Variants in F13A1 observed in about 807,000 individuals in gnomAD.
F13A1 encodes coagulation factor XIII A chain, also known as FSF, A subunit.
F13A1 carries 47 observed loss-of-function variants against 80.1 expected under a neutral mutation model. The ratio of observed to expected loss-of-function variants is 0.59; its 90% CI spans 0.46 to 0.75. The LOEUF (loss-of-function observed/expected upper bound fraction) is 0.75, where lower values mean the gene tolerates loss of function less well. F13A1 is among the 30% of genes least tolerant of loss of function. The pLI, the probability that F13A1 is intolerant of heterozygous loss-of-function variation, is 0.00. For missense variants in F13A1, 817 were observed against 930.4 expected (o/e 0.88, Z 1.59); for synonymous variants, 349 against 344.9 (o/e 1.01, Z -0.13).
chr6:6,151,439 G>A (rs990418484), intron 14 of F13A1, among the ~76,000 whole-genome samples: 6 of 152,172 alleles, frequency 3.9e-5, no homozygotes, highest in African/African-American at 1.4e-4. Flanking sequence ...ACGTGAGTAG[G>A]TAGTACAGCA....
chr6:6,212,415 G>A (rs1185972703), intron 8 of F13A1, among the ~76,000 whole-genome samples: 3 of 152,186 alleles, frequency 2.0e-5, no homozygotes, highest in East Asian at 1.9e-4. Flanking sequence ...CCCAGCAGGG[G>A]CACACTGACA....
intron 3 of F13A1, among the ~76,000 whole-genome samples, chr6:6,274,575 T>C (rs1224770028): frequency 6.6e-6 from 1 of 152,020 alleles, no homozygotes; most frequent in Non-Finnish European, 1.5e-5. Context: ...TCAGAGAAAA[T>C]ACGAACAGCA....
intron 3 of F13A1, among the ~76,000 whole-genome samples, chr6:6,289,655 T>C (rs1278252420): frequency 6.6e-6 from 1 of 152,010 alleles, no homozygotes; most frequent in African/African-American, 2.4e-5. Flanking sequence ...ACTTCTGCTA[T>C]AGTAATCTAA....
chr6:6,192,336 G>A (rs1181677627), intron 10 of F13A1, among the ~76,000 whole-genome samples: 1 of 152,104 alleles, frequency 6.6e-6, no homozygotes, highest in African/African-American at 2.4e-5. Flanking sequence ...AGGAGCAAGA[G>A]GGGGATCAGG....
chr6:6,171,948 T>G (rs1211620793), intron 12 of F13A1, among the ~76,000 whole-genome samples: 1 of 152,326 alleles, frequency 6.6e-6, no homozygotes, highest in East Asian at 1.9e-4. Flanking sequence ...GTTTTTTTTC[T>G]GACCATCTCC....
chr6:6,258,941 G>C (rs1490206360), intron 4 of F13A1, among the ~76,000 whole-genome samples: 2 of 152,060 alleles, frequency 1.3e-5, no homozygotes, highest in Admixed American at 1.3e-4. Flanking sequence ...TTCTTCTTGT[G>C]CACTGACTTA....
intron 3 of F13A1, among the ~76,000 whole-genome samples, chr6:6,283,523 C>T (rs77636478): frequency 6.4e-4 from 98 of 152,156 alleles, no homozygotes; most frequent in African/African-American, 2.0e-3. Flanking sequence ...ACTCTAATAA[C>T]GGTTCTGGGA....
At chr6:6,253,681 T>C (rs1413045520) in intron 4 of F13A1, among the ~76,000 whole-genome samples, 1 of 152,198 alleles carries the variant, frequency 6.6e-6, no homozygotes, top group Non-Finnish European at 1.5e-5. Flanking sequence ...CTGGTTCTTT[T>C]TAATGTAGCA....
chr6:6,261,140 T>A (rs1757774779), intron 4 of F13A1, among the ~76,000 whole-genome samples: 1 of 152,004 alleles, frequency 6.6e-6, no homozygotes, highest in African/African-American at 2.4e-5. Flanking sequence ...AGCTAATTTT[T>A]GTATGTTTAG....
At chr6:6,174,912 CA>C in intron 11 of F13A1, 45 bp from the exon 12 acceptor site, 8 of 1,611,870 alleles carry the variant, frequency 5.0e-6, no homozygotes, top group Non-Finnish European at 6.8e-6. Flanking sequence ...TACAATCCAC[CA>C]GAGAGAAAGT....
At chr6:6,201,702 T>C (rs571875732) in intron 8 of F13A1, among the ~76,000 whole-genome samples, 27 of 151,986 alleles carry the variant, frequency 1.8e-4, no homozygotes, top group Admixed American at 1.0e-3. Flanking sequence ...TATTTTCCTG[T>C]TTTTTGTTTT....
At chr6:6,184,042 TCA>T (rs764360761) in intron 10 of F13A1, among the ~76,000 whole-genome samples, 7 of 152,236 alleles carry the variant, frequency 4.6e-5, no homozygotes, top group Non-Finnish European at 8.8e-5. Flanking sequence ...TTTTACTTTC[TCA>T]CAGAATGTTC....
At chr6:6,165,525 A>G (rs1760655673) in intron 13 of F13A1, among the ~76,000 whole-genome samples, 1 of 152,198 alleles carries the variant, frequency 6.6e-6, no homozygotes, top group African/African-American at 2.4e-5. Flanking sequence ...CCGTCACTTC[A>G]TAATTAGGTA....
At chr6:6,154,733 T>G (rs1279928919) in intron 13 of F13A1, among the ~76,000 whole-genome samples, 2 of 152,222 alleles carry the variant, frequency 1.3e-5, no homozygotes, top group African/African-American at 4.8e-5. Flanking sequence ...TGTCCCTGAT[T>G]TCATTCTCAA....
At chr6:6,310,060 C>T (rs1758568479) in intron 2 of F13A1, among the ~76,000 whole-genome samples, 1 of 152,186 alleles carries the variant, frequency 6.6e-6, no homozygotes. Flanking sequence ...TCCAGCTTTA[C>T]CTCCTAGCCT....
intron 3 of F13A1, among the ~76,000 whole-genome samples, chr6:6,300,061 GGGGGTCA>G (rs1561683863): frequency 6.8e-6 from 1 of 146,422 alleles, no homozygotes; most frequent in Non-Finnish European, 1.5e-5. Flanking sequence ...TAGGCTGCTT[GGGGGTCA>G]GGGGTCAGGG....
chr6:6,230,959 T>C (rs1757343274), intron 6 of F13A1, among the ~76,000 whole-genome samples: 1 of 152,148 alleles, frequency 6.6e-6, no homozygotes, highest in Non-Finnish European at 1.5e-5. Flanking sequence ...GCCCTAGACC[T>C]TCCCTCTGAC....
chr6:6,241,914 G>C (rs1027960707), intron 6 of F13A1, among the ~76,000 whole-genome samples: 1 of 152,056 alleles, frequency 6.6e-6, no homozygotes, highest in Non-Finnish European at 1.5e-5. Context: ...TTTGCTCAAC[G>C]TGAAGCTTCC....
intron 13 of F13A1, among the ~76,000 whole-genome samples, chr6:6,153,785 G>A (rs115602457): frequency 0.01 from 1,548 of 152,262 alleles, 28 homozygotes; most frequent in African/African-American, 0.035. Context: ...ACCAGCCCCA[G>A]CTGACAACCA....
Sources: gnomAD v4.1 joint callset for allele counts (sites outside exome capture counted in the v4.1 genomes callset) on GRCh38, gnomAD v4.1.1 for gene constraint, MANE v1.5 for transcripts, NCBI Gene and HGNC (gene_info 2026-07-23, HGNC 2026-07-21) for gene names.